Variants in ZCCHC7 observed in about 807,000 individuals in gnomAD.
ZCCHC7 encodes zinc finger CCHC-type containing 7.
ZCCHC7 carries 35 observed loss-of-function variants against 52.0 expected under a neutral mutation model. The ratio of observed to expected loss-of-function variants is 0.67; its 90% CI spans 0.51 to 0.89. The LOEUF (loss-of-function observed/expected upper bound fraction) is 0.89. Among genes scored for constraint, ZCCHC7 ranks in the 40% least tolerant of loss-of-function variants. The pLI is 0.00. For missense variants in ZCCHC7, 574 were observed against 649.1 expected (o/e 0.88, Z 1.26); for synonymous variants, 217 against 221.5 (o/e 0.98, Z 0.18).
Position 37,126,552 on chromosome 9 carries a change from C to A in ZCCHC7, c.220C>A (p.Leu74Ile). ...GAGTAGTAAACCAAATCAGAAGAAG[C>A]TAATCGTCCTTTCAGATAGTGAGGT... ...SSSSKPNQKKLIVLSDSEVIQ... is the reference protein window; with the variant it reads ...SSSSKPNQKKIIVLSDSEVIQ... The change falls in exon 2 of 9, where the codon CTA becomes ATA. Residue 74 changes from leucine (L) to isoleucine (I), a missense_variant. Physicochemically the swap from Leu to Ile is conservative, Grantham distance 5 (BLOSUM62 2). Coordinates refer to ENST00000336755, the MANE Select transcript of ZCCHC7 (RefSeq NM_032226.3). 6.2e-7 allele frequency: 1 copy of A among 1,614,078 alleles called. No homozygotes were observed. Among genetic ancestry groups the A allele is most frequent in the Non-Finnish European group, 8.5e-7 (1 of 1,180,038 alleles).
At chr9:37,238,727 C>G (rs1825758392) in intron 2 of ZCCHC7, among the ~76,000 whole-genome samples, 1 of 152,000 alleles carries the variant, frequency 6.6e-6, no homozygotes, top group African/African-American at 2.4e-5. Context: ...TTCTGTGCTT[C>G]AAATCATGAG....
chr9:37,353,618 C>T (rs914040802), intron 7 of ZCCHC7, among the ~76,000 whole-genome samples: 1 of 151,922 alleles, frequency 6.6e-6, no homozygotes, highest in African/African-American at 2.4e-5. Flanking sequence ...AAACAGGCAA[C>T]TAAGGTAAAA....
intron 2 of ZCCHC7, among the ~76,000 whole-genome samples, chr9:37,238,245 T>G (rs534237888): frequency 3.3e-4 from 51 of 152,328 alleles, no homozygotes; most frequent in African/African-American, 1.2e-3. Flanking sequence ...ATAATACTAT[T>G]GTAACATTAC....
chr9:37,321,248 A>C (rs564331031), intron 5 of ZCCHC7, among the ~76,000 whole-genome samples: 1 of 151,950 alleles, frequency 6.6e-6, no homozygotes, highest in East Asian at 1.9e-4. Context: ...TCGGCCTCCC[A>C]AAGTGCTGGG....
chr9:37,172,880 G>A (rs574668636), intron 2 of ZCCHC7, among the ~76,000 whole-genome samples: 2 of 151,906 alleles, frequency 1.3e-5, no homozygotes, highest in South Asian at 4.2e-4. Flanking sequence ...TTGCAATAGG[G>A]ACTTGAGTGA....
chr9:37,354,657 G>T lies in ZCCHC7; in HGVS notation c.1084-53G>T. ...AACATGCTCCAGAATCTTGCAAAAA[G>T]GTTTTTGAACAGTGTGACCATGTGA... On this transcript the variant is annotated intron_variant, in intron 7 of 8. Transcript: ENST00000336755. The surrounding 1 kb of genome is among the most constrained non-coding windows in gnomAD (Gnocchi z 4.0). The T allele has an allele frequency of 7.5e-7, 1 of 1,325,954 alleles. No homozygotes were observed. The highest frequency in any genetic ancestry group is 1.1e-6 in the Non-Finnish European group (1 of 933,576). 82.1% of individuals were successfully genotyped at this position (1,325,954 alleles called of 1,614,324 possible). A position where few individuals can be genotyped will look rare whatever the true frequency, so the allele number is the denominator to read the frequency against.
chr9:37,157,627 G>A (rs1412090320), intron 2 of ZCCHC7, among the ~76,000 whole-genome samples: 2 of 152,116 alleles, frequency 1.3e-5, no homozygotes, highest in Non-Finnish European at 2.9e-5. Context: ...TTAAAAAATG[G>A]GGTAATGGAC....
intron 2 of ZCCHC7, among the ~76,000 whole-genome samples, chr9:37,259,203 G>A (rs1282112495): frequency 2.6e-5 from 4 of 152,158 alleles, no homozygotes; most frequent in Non-Finnish European, 5.9e-5. Context: ...AGTTAAGAGT[G>A]CTAATGTTTA....
At chr9:37,202,474 T>C (rs1823684462) in intron 2 of ZCCHC7, among the ~76,000 whole-genome samples, 1 of 152,248 alleles carries the variant, frequency 6.6e-6, no homozygotes, top group Non-Finnish European at 1.5e-5. Flanking sequence ...TCATGGCTAT[T>C]TAAATACACA....
At chr9:37,326,971 A>G (rs1316382021) in intron 5 of ZCCHC7, 1 of 152,136 alleles carries the variant, frequency 6.6e-6, no homozygotes, top group East Asian at 1.9e-4. Flanking sequence ...AGAAGATGGT[A>G]AACTGATCAA....
chr9:37,202,771 C>T (rs1001109630), intron 2 of ZCCHC7, among the ~76,000 whole-genome samples: 4 of 152,248 alleles, frequency 2.6e-5, no homozygotes, highest in Non-Finnish European at 5.9e-5. Context: ...CGTAAGCCAT[C>T]ACGCCCGGCC....
At chr9:37,206,589 C>T (rs1171700159) in intron 2 of ZCCHC7, among the ~76,000 whole-genome samples, 3 of 152,084 alleles carry the variant, frequency 2.0e-5, no homozygotes, top group South Asian at 2.1e-4. Flanking sequence ...CGGGCTCAAG[C>T]GATCCACTTG....
chr9:37,276,783 G>A (rs1403591898), intron 2 of ZCCHC7, among the ~76,000 whole-genome samples: 3 of 152,104 alleles, frequency 2.0e-5, no homozygotes, highest in Admixed American at 2.0e-4. Flanking sequence ...CTGATGTAGA[G>A]GATTTACACT....
chr9:37,224,288 C>T (rs1824981570), intron 2 of ZCCHC7, among the ~76,000 whole-genome samples: 1 of 152,084 alleles, frequency 6.6e-6, no homozygotes, highest in African/African-American at 2.4e-5. Flanking sequence ...TACCAAAAGC[C>T]TTAAAGTGTA....
upstream of ZCCHC7, among the ~76,000 whole-genome samples, chr9:37,120,251 CG>C (rs1677638130): frequency 1.3e-5 from 2 of 152,228 alleles, no homozygotes; most frequent in South Asian, 2.1e-4. Context: ...GTTTTCCTCG[CG>C]GGGGTAGAGG....
At chr9:37,135,076 A>G (rs1035911600) in intron 2 of ZCCHC7, among the ~76,000 whole-genome samples, 2 of 151,668 alleles carry the variant, frequency 1.3e-5, no homozygotes, top group East Asian at 1.9e-4. Flanking sequence ...CTCTAACCTT[A>G]TTTTTTTCTC....
intron 6 of ZCCHC7, among the ~76,000 whole-genome samples, chr9:37,341,222 A>G (rs1418154278): frequency 6.6e-6 from 1 of 152,210 alleles, no homozygotes; most frequent in Non-Finnish European, 1.5e-5. Context: ...TAGGGGAGAC[A>G]ATAAGGAAGC....
intron 2 of ZCCHC7, among the ~76,000 whole-genome samples, chr9:37,255,655 T>C (rs1826552672): frequency 6.6e-6 from 1 of 152,152 alleles, no homozygotes; most frequent in Non-Finnish European, 1.5e-5. Flanking sequence ...TGAAATGAGC[T>C]ACTTTGGCAG....
chr9:37,284,965 T>C (rs920328981), intron 2 of ZCCHC7, among the ~76,000 whole-genome samples: 2 of 152,198 alleles, frequency 1.3e-5, no homozygotes, highest in Non-Finnish European at 2.9e-5. Context: ...TAGGCTTTAA[T>C]TTTTTTAATT....
Sources: allele counts gnomAD v4.1 joint callset (sites outside exome capture counted in the v4.1 genomes callset), GRCh38; gene constraint gnomAD v4.1.1; non-coding constraint Gnocchi (gnomAD v3.1); transcripts MANE v1.5; gene names NCBI Gene and HGNC (gene_info 2026-07-23, HGNC 2026-07-21).